The following LEF1 variants were observed in gnomAD, a reference collection of about 807,000 sequenced individuals.
LEF1 encodes lymphoid enhancer binding factor 1.
Under a neutral mutation model 51.2 loss-of-function variants are expected in LEF1, and 14 were observed. That is an observed-to-expected ratio of 0.27 (90% confidence interval 0.18 to 0.43). LEF1 has a LOEUF of 0.43. Among genes scored for constraint, LEF1 ranks in the 20% least tolerant of loss-of-function variants. The pLI is 1.00. For synonymous variants in LEF1, 185 were observed against 183.2 expected (o/e 1.01, Z -0.08); for missense variants, 386 against 512.0 (o/e 0.75, Z 2.37).
chr4:108,077,025 CAAAAAAA>C (rs35942591), intron 8 of LEF1, among the ~76,000 whole-genome samples: 1 of 97,524 alleles, frequency 1.0e-5, no homozygotes, highest in African/African-American at 4.2e-5. Context: ...AGACTCATCT[CAAAAAAA>C]AAAAAAAAAA....
At chr4:108,166,518 C>A (rs1359332056) in intron 1 of LEF1, 11 of 1,331,006 alleles carry the variant, frequency 8.3e-6, no homozygotes, top group Non-Finnish European at 1.1e-5. Context: ...CAAGGGTGAC[C>A]AGTGGAGTGT....
chr4:108,099,240 A>AT (rs1320861295), intron 3 of LEF1, among the ~76,000 whole-genome samples: 2 of 152,000 alleles, frequency 1.3e-5, no homozygotes, highest in African/African-American at 4.8e-5. Context: ...TATGACTTGC[A>AT]TTTGTGATCT....
At chr4:108,051,143 C>T (rs1736962901) in intron 11 of LEF1, among the ~76,000 whole-genome samples, 2 of 152,298 alleles carry the variant, frequency 1.3e-5, no homozygotes, top group Non-Finnish European at 1.5e-5. Flanking sequence ...ATTTTCCCAC[C>T]TGTTATTTCC....
At chr4:108,158,537 T>C (rs1744872946) in intron 3 of LEF1, among the ~76,000 whole-genome samples, 1 of 152,096 alleles carries the variant, frequency 6.6e-6, no homozygotes. Flanking sequence ...CTACAGACAG[T>C]GCTGGCATGT....
At chr4:108,121,418 A>G (rs1460438569) in intron 3 of LEF1, among the ~76,000 whole-genome samples, 5 of 152,220 alleles carry the variant, frequency 3.3e-5, no homozygotes, top group Admixed American at 2.6e-4. Context: ...ACACTCTGAG[A>G]ATCTACCTAC....
At chr4:108,120,035 GTA>G (rs1742077224) in intron 3 of LEF1, among the ~76,000 whole-genome samples, 3 of 139,644 alleles carry the variant, frequency 2.1e-5, no homozygotes, top group African/African-American at 7.9e-5. Flanking sequence ...GTGTGTGTAT[GTA>G]TGTATATATT....
At chr4:108,080,276 A>T (rs1193146038) in intron 6 of LEF1, among the ~76,000 whole-genome samples, 2 of 152,194 alleles carry the variant, frequency 1.3e-5, no homozygotes, top group Admixed American at 6.5e-5. Flanking sequence ...AATATCCACC[A>T]CCAGCCAACA....
intron 3 of LEF1, among the ~76,000 whole-genome samples, chr4:108,103,544 T>A (rs1460675602): frequency 3.3e-5 from 5 of 152,240 alleles, no homozygotes; most frequent in Admixed American, 3.3e-4. Flanking sequence ...CTTCTCTACC[T>A]TGTTACATCT....
chr4:108,115,232 A>G (rs1038588267), intron 3 of LEF1, among the ~76,000 whole-genome samples: 2 of 152,242 alleles, frequency 1.3e-5, no homozygotes, highest in African/African-American at 4.8e-5. Context: ...AGAGATCAAT[A>G]GACACAACTG....
chr4:108,093,027 A>G (rs1422594228), intron 3 of LEF1, among the ~76,000 whole-genome samples: 1 of 151,812 alleles, frequency 6.6e-6, no homozygotes, highest in Non-Finnish European at 1.5e-5. Context: ...TGTGTATCTA[A>G]GTATATGCCT....
In LEF1 at chr4:108,068,607, A is replaced by C. The variant is rs79235221; in HGVS notation, c.1116+2056T>G. ...AGAGCTGACTATGCTGTTTCCCATA[A>C]GTAACAGACAGACTCTTACTTCCTG... On this transcript the variant is annotated intron_variant, in intron 9 of 11. Transcript: ENST00000265165. Among the ~76,000 whole-genome samples, 13 of 152,362 alleles carry C rather than the reference A, an allele frequency of 8.5e-5. No individual in the cohort carries two copies. In the East Asian group the frequency reaches 2.5e-3, roughly 29 times the overall value.
intron 3 of LEF1, among the ~76,000 whole-genome samples, chr4:108,152,251 C>T (rs550336214): frequency 6.6e-6 from 1 of 152,252 alleles, no homozygotes; most frequent in South Asian, 2.1e-4. Context: ...CGAGAGCAAG[C>T]TATAAGAATC....
chr4:108,095,364 A>G (rs1024909331), intron 3 of LEF1, among the ~76,000 whole-genome samples: 5 of 152,236 alleles, frequency 3.3e-5, no homozygotes, highest in Non-Finnish European at 7.3e-5. Flanking sequence ...TATTACCCCC[A>G]TATTTATAGA....
In LEF1 at chr4:108,167,726, G is replaced by GT; in HGVS notation, c.41dup (p.Asp14GlufsTer39). The GT allele has an allele frequency of 6.2e-7, 1 of 1,613,678 alleles. No individual in the cohort carries two copies. The highest frequency in any genetic ancestry group is 1.3e-5 in the African/African-American group (1 of 75,070). On this transcript the variant is annotated frameshift_variant, in exon 1 of 12. Coordinates refer to ENST00000265165, the MANE Select transcript of LEF1 (RefSeq NM_016269.5). LOFTEE classifies it high-confidence loss of function. The surrounding 1 kb of genome is among the most constrained non-coding windows in gnomAD (Gnocchi z 5.7). ...TCTCGTCCGTGGCGCAGAGTTCCGG[G>GT]TCCCCCCCGCCGCCGCCACCTCCTC... is the stretch of plus-strand genomic sequence containing the variant.
At chr4:108,117,058 CT>C (rs1741885440) in intron 3 of LEF1, among the ~76,000 whole-genome samples, 1 of 152,164 alleles carries the variant, frequency 6.6e-6, no homozygotes, top group Non-Finnish European at 1.5e-5. Flanking sequence ...AGAGGTTAGC[CT>C]TTTCATCTGA....
intron 3 of LEF1, among the ~76,000 whole-genome samples, chr4:108,137,043 G>A (rs1198790481): frequency 6.6e-6 from 1 of 152,128 alleles, no homozygotes; most frequent in Non-Finnish European, 1.5e-5. Context: ...TGACTTTAAT[G>A]TTAGTTAAAA....
intron 3 of LEF1, among the ~76,000 whole-genome samples, chr4:108,162,308 T>A (rs776731365): frequency 1.3e-5 from 2 of 152,206 alleles, no homozygotes; most frequent in Middle Eastern, 3.2e-3. Flanking sequence ...CAAATATCCT[T>A]TAGCAATTTA....
intron 3 of LEF1, among the ~76,000 whole-genome samples, chr4:108,134,075 T>C (rs995907324): frequency 6.6e-6 from 1 of 151,828 alleles, no homozygotes; most frequent in Non-Finnish European, 1.5e-5. Context: ...ATTTTCGCAG[T>C]GAAGCATATA....
At chr4:108,120,031 G>GTA (rs1277347059) in intron 3 of LEF1, among the ~76,000 whole-genome samples, 16 of 145,098 alleles carry the variant, frequency 1.1e-4, no homozygotes, top group Middle Eastern at 3.4e-3. Context: ...GTGTGTGTGT[G>GTA]TATGTATGTA....
Sources: gnomAD v4.1 joint callset for allele counts (sites outside exome capture counted in the v4.1 genomes callset) on GRCh38, gnomAD v4.1.1 for gene constraint, Gnocchi (gnomAD v3.1) non-coding constraint, MANE v1.5 for transcripts, NCBI Gene and HGNC (gene_info 2026-07-23, HGNC 2026-07-21) for gene names.